MATN2: variants seen among roughly 807,000 people sequenced by gnomAD.
MATN2 encodes the protein matrilin 2.
In MATN2, 69 loss-of-function variants were observed where a neutral mutation model predicts 103.2. That is an observed-to-expected ratio of 0.67 (90% CI 0.55 to 0.82). The LOEUF (loss-of-function observed/expected upper bound fraction) is 0.82. MATN2 is among the 40% of genes least tolerant of loss of function. MATN2 has a pLI of 0.00. For synonymous variants in MATN2, 429 were observed against 450.2 expected (o/e 0.95, Z 0.60); for missense variants, 1,023 against 1,211.5 (o/e 0.84, Z 2.31).
intron 1 of MATN2, among the ~76,000 whole-genome samples, chr8:97,886,477 A>G: frequency 6.6e-6 from 1 of 152,142 alleles, no homozygotes; most frequent in East Asian, 1.9e-4. Flanking sequence ...TCTCTGAGAT[A>G]CTCTATAAAT....
chr8:97,978,763 C>G (rs192204244), intron 5 of MATN2, 123 bp from the exon 6 acceptor site: 1 of 949,382 alleles, frequency 1.1e-6, no homozygotes, highest in African/African-American at 1.6e-5. Flanking sequence ...ACTGTTTATC[C>G]TACTCTTTTG....
At chr8:97,944,073 G>A (rs1244642866) in intron 4 of MATN2, among the ~76,000 whole-genome samples, 1 of 152,170 alleles carries the variant, frequency 6.6e-6, no homozygotes, top group Non-Finnish European at 1.5e-5. Flanking sequence ...AGCAGACCCT[G>A]CCTGGACTTC....
intron 2 of MATN2, among the ~76,000 whole-genome samples, chr8:97,927,360 A>C (rs1257538149): frequency 6.6e-6 from 1 of 151,394 alleles, no homozygotes; most frequent in Non-Finnish European, 1.5e-5. Context: ...GGGTTTCTCC[A>C]TGTTGGTCAG....
At chr8:97,978,776 G>A in intron 5 of MATN2, 110 bp from the exon 6 acceptor site, 1 of 1,048,670 alleles carries the variant, frequency 9.5e-7, no homozygotes, top group Non-Finnish European at 1.4e-6. Context: ...CTCTTTTGGG[G>A]GGCAATAATA....
chr8:97,912,697 A>G (rs1809487703), intron 2 of MATN2, among the ~76,000 whole-genome samples: 2 of 152,236 alleles, frequency 1.3e-5, no homozygotes, highest in South Asian at 4.2e-4. Context: ...TTGGGTGACT[A>G]GGCCTTCAGG....
intron 6 of MATN2, among the ~76,000 whole-genome samples, chr8:97,987,658 G>A (rs528299167): frequency 7.2e-4 from 110 of 152,102 alleles, no homozygotes; most frequent in African/African-American, 2.6e-3. Context: ...GATTGTAAGG[G>A]ACTCTTACAA....
At chr8:97,909,001 T>C (rs928693976) in intron 2 of MATN2, among the ~76,000 whole-genome samples, 1 of 152,062 alleles carries the variant, frequency 6.6e-6, no homozygotes, top group Admixed American at 6.6e-5. Flanking sequence ...GGCAGTGCCC[T>C]GATCTTGGCT....
At chr8:97,919,958 G>C (rs1421806033) in intron 2 of MATN2, among the ~76,000 whole-genome samples, 1 of 152,224 alleles carries the variant, frequency 6.6e-6, no homozygotes, top group Non-Finnish European at 1.5e-5. Context: ...TGAGTCTTAA[G>C]CTGAACAGGG....
At chr8:97,875,145 A>G (rs1265270074) in intron 1 of MATN2, among the ~76,000 whole-genome samples, 4 of 152,108 alleles carry the variant, frequency 2.6e-5, no homozygotes, top group Non-Finnish European at 5.9e-5. Context: ...ACATATTCCC[A>G]GCTTCTGGGA....
At position 98,030,502 on chromosome 8, in the gene MATN2, G is replaced by A. The variant is rs1423984685; in HGVS notation, c.2397G>A (p.Glu799=). The A allele has an allele frequency of 6.2e-7, 1 of 1,613,732 alleles. No homozygotes were observed. The highest frequency in any genetic ancestry group is 8.5e-7 in the Non-Finnish European group (1 of 1,179,826). The change falls in exon 15 of 19, where the codon GAG becomes GAA. Residue 799 remains glutamate, a synonymous_variant. Transcript: ENST00000254898. ...CTGTTGGGGTAGGAAAAGCCATTGA[G>A]GAGGAACTACAAGAGATTGCCTCTG... ...MYAVGVGKAI[E]EELQEIASEP...
Position 97,976,193 on chromosome 8 carries a change from C to T in MATN2, c.959-2693C>T, listed in dbSNP as rs140672717. Reference sequence around the variant, plus strand: ...GGGCTGGAATGTAGTGGTGCAATCTCGGCTCCCGGGTTCAAGCAGTTCTCC... The same window carrying T: ...GGGCTGGAATGTAGTGGTGCAATCTTGGCTCCCGGGTTCAAGCAGTTCTCC... On this transcript the variant is annotated intron_variant, in intron 5 of 18. Transcript: ENST00000254898. 8.1e-3 allele frequency among the ~76,000 whole-genome samples: 1,223 copies of T among 151,776 alleles called. 13 individuals carry two copies. Among genetic ancestry groups the T allele is most frequent in the African/African-American group, 0.028 (1,157 of 41,404 alleles).
At chr8:98,015,853 T>G (rs1041116682) in intron 10 of MATN2, among the ~76,000 whole-genome samples, 1 of 152,222 alleles carries the variant, frequency 6.6e-6, no homozygotes, top group Non-Finnish European at 1.5e-5. Flanking sequence ...AGTGCCTGGC[T>G]CATTGCAGGG....
intron 13 of MATN2, 118 bp from the exon 14 acceptor site, chr8:98,027,298 A>T: frequency 1.2e-6 from 1 of 811,300 alleles, no homozygotes; most frequent in Non-Finnish European, 1.9e-6. Flanking sequence ...GTATTATCTA[A>T]AGAACAAAAC....
At chr8:97,882,618 G>T (rs1323659235) in intron 1 of MATN2, among the ~76,000 whole-genome samples, 1 of 151,990 alleles carries the variant, frequency 6.6e-6, no homozygotes, top group Non-Finnish European at 1.5e-5. Context: ...GCCCAGGCTG[G>T]TCTCCTGGGC....
At chr8:97,922,490 G>T (rs6995084) in intron 2 of MATN2, among the ~76,000 whole-genome samples, 1 of 152,084 alleles carries the variant, frequency 6.6e-6, no homozygotes, top group South Asian at 2.1e-4. Context: ...TTTTTCAGAC[G>T]TGGGTAAAAT....
chr8:97,876,862 A>G (rs768484906), intron 1 of MATN2, among the ~76,000 whole-genome samples: 2 of 152,152 alleles, frequency 1.3e-5, no homozygotes, highest in Admixed American at 6.5e-5. Flanking sequence ...TATTTTGTTC[A>G]ATGTTATATT....
At chr8:97,924,612 A>G (rs1809924769) in intron 2 of MATN2, among the ~76,000 whole-genome samples, 1 of 150,786 alleles carries the variant, frequency 6.6e-6, no homozygotes, top group African/African-American at 2.4e-5. Context: ...ACCGTACTGA[A>G]CTCTCCGTAA....
intron 5 of MATN2, among the ~76,000 whole-genome samples, chr8:97,974,765 T>C (rs1811776593): frequency 6.6e-6 from 1 of 152,206 alleles, no homozygotes; most frequent in Non-Finnish European, 1.5e-5. Flanking sequence ...TTTTATAATA[T>C]TTAAATTACT....
intron 4 of MATN2, among the ~76,000 whole-genome samples, chr8:97,944,671 G>A (rs1420564884): frequency 6.6e-6 from 1 of 152,190 alleles, no homozygotes; most frequent in African/African-American, 2.4e-5. Flanking sequence ...CACTGATTAT[G>A]TCCTTGTTAG....
Sources: gnomAD v4.1 joint callset for allele counts (sites outside exome capture counted in the v4.1 genomes callset) on GRCh38, gnomAD v4.1.1 for gene constraint, MANE v1.5 for transcripts, NCBI Gene and HGNC (gene_info 2026-07-23, HGNC 2026-07-21) for gene names.